SEMA5A: variants seen among roughly 807,000 people sequenced by gnomAD.
SEMA5A encodes semaphorin-5A.
A neutral mutation model predicts 135.5 loss-of-function variants in SEMA5A; 55 were observed. That is an observed-to-expected ratio of 0.41 (90% CI 0.33 to 0.51). SEMA5A has a LOEUF of 0.51. Among genes scored for constraint, SEMA5A ranks in the 20% least tolerant of loss-of-function variants. The pLI, the probability that SEMA5A is intolerant of heterozygous loss-of-function variation, is 0.37. For synonymous variants in SEMA5A, 580 were observed against 546.5 expected (o/e 1.06, Z -0.85); for missense variants, 1,290 against 1,419.9 (o/e 0.91, Z 1.47).
chr5:9,357,390 A>T (rs565230566), intron 3 of SEMA5A, among the ~76,000 whole-genome samples: 11 of 152,238 alleles, frequency 7.2e-5, no homozygotes, highest in Admixed American at 1.3e-4. Context: ...GCATATGGTC[A>T]GTATAATAAT....
intron 11 of SEMA5A, among the ~76,000 whole-genome samples, chr5:9,184,226 C>T (rs1328009976): frequency 6.6e-6 from 1 of 150,794 alleles, no homozygotes; most frequent in Non-Finnish European, 1.5e-5. Flanking sequence ...GCAGAGTATC[C>T]TGAGACCATG....
At chr5:9,378,710 C>A (rs1318538568) in intron 3 of SEMA5A, among the ~76,000 whole-genome samples, 1 of 152,184 alleles carries the variant, frequency 6.6e-6, no homozygotes, top group Non-Finnish European at 1.5e-5. Context: ...AATATACCAA[C>A]CAATGGCAGT....
intron 1 of SEMA5A, among the ~76,000 whole-genome samples, chr5:9,456,293 GT>G (rs1384830104): frequency 6.6e-6 from 1 of 152,224 alleles, no homozygotes; most frequent in East Asian, 1.9e-4. Context: ...TACCTGGGAG[GT>G]TTATCCTCTT....
At position 9,224,857 on chromosome 5, in the gene SEMA5A, T is replaced by A; in HGVS notation, c.463A>T (p.Ile155Phe). ...TAGGGACAGCGGGCCATGCCACTGA[T>A]CTGATCATGGATCTCAGTCAGGTTG... is the stretch of plus-strand genomic sequence containing the variant. ...LSNLTEIHDQ[I>F]SGMARCPYSP... The change falls in exon 8 of 23, where the codon ATC (isoleucine) becomes TTC (phenylalanine). Residue 155 changes from isoleucine to phenylalanine, a missense_variant. Around this residue, in one of 3 missense-constraint regions of SEMA5A, gnomAD observed 145 missense variants for 212.0 expected, o/e 0.68. Coordinates refer to ENST00000382496, the MANE Select transcript of SEMA5A (RefSeq NM_003966.3). The A allele has an allele frequency of 6.2e-7, 1 of 1,613,732 alleles. No homozygotes were observed. The highest frequency in any genetic ancestry group is 8.5e-7 in the Non-Finnish European group (1 of 1,179,938).
chr5:9,205,192 A>G (rs1386718345), intron 8 of SEMA5A, among the ~76,000 whole-genome samples: 3 of 152,168 alleles, frequency 2.0e-5, no homozygotes, highest in African/African-American at 7.2e-5. Flanking sequence ...CTGGACAGTC[A>G]TCTTTCCATG....
At chr5:9,213,505 T>C (rs532090361) in intron 8 of SEMA5A, among the ~76,000 whole-genome samples, 24 of 152,280 alleles carry the variant, frequency 1.6e-4, no homozygotes, top group Middle Eastern at 3.4e-3. Context: ...GAAGATGGCA[T>C]TTGAGCAAAG....
intron 3 of SEMA5A, among the ~76,000 whole-genome samples, chr5:9,359,786 C>CA (rs1326084377): frequency 1.3e-5 from 2 of 151,882 alleles, no homozygotes; most frequent in Non-Finnish European, 2.9e-5. Flanking sequence ...AACAAAGAAA[C>CA]AAAAAACTAT....
intron 2 of SEMA5A, among the ~76,000 whole-genome samples, chr5:9,430,203 C>CTATA (rs1757808841): frequency 6.6e-6 from 1 of 152,162 alleles, no homozygotes; most frequent in Non-Finnish European, 1.5e-5. Context: ...AAGTGGAAGA[C>CTATA]TGGACTTCCC....
chr5:9,455,325 T>A (rs930031105), intron 1 of SEMA5A, among the ~76,000 whole-genome samples: 9 of 151,934 alleles, frequency 5.9e-5, no homozygotes, highest in Non-Finnish European at 7.4e-5. Context: ...GCCTGATCTC[T>A]GCTCACTGTA....
intron 16 of SEMA5A, among the ~76,000 whole-genome samples, chr5:9,076,603 T>C (rs1738073191): frequency 6.6e-6 from 1 of 152,300 alleles, no homozygotes; most frequent in African/African-American, 2.4e-5. Context: ...ATATTTCATG[T>C]GTACACTACA....
chr5:9,295,421 G>C (rs1337796411), intron 5 of SEMA5A, among the ~76,000 whole-genome samples: 2 of 152,142 alleles, frequency 1.3e-5, no homozygotes, highest in East Asian at 1.9e-4. Flanking sequence ...AAAATTAAGT[G>C]AACAAAGAGA....
chr5:9,406,078 A>G (rs548538858), intron 2 of SEMA5A, among the ~76,000 whole-genome samples: 1 of 152,350 alleles, frequency 6.6e-6, no homozygotes, highest in South Asian at 2.1e-4. Flanking sequence ...AGAAGTAGAC[A>G]TGGAGGAAGA....
intron 16 of SEMA5A, among the ~76,000 whole-genome samples, chr5:9,094,247 T>C (rs1739199639): frequency 6.6e-6 from 1 of 152,188 alleles, no homozygotes; most frequent in African/African-American, 2.4e-5. Context: ...CAAAGTATAG[T>C]ACCACAGACA....
At chr5:9,171,837 G>T (rs765857918) in intron 11 of SEMA5A, among the ~76,000 whole-genome samples, 2 of 152,196 alleles carry the variant, frequency 1.3e-5, no homozygotes, top group Non-Finnish European at 2.9e-5. Flanking sequence ...CTGGAGATGG[G>T]ACGAGAGGGA....
At chr5:9,165,356 T>C (rs1413493697) in intron 11 of SEMA5A, among the ~76,000 whole-genome samples, 1 of 152,244 alleles carries the variant, frequency 6.6e-6, no homozygotes, top group East Asian at 1.9e-4. Context: ...AATAGATTAT[T>C]GCAAAGCATT....
At chr5:9,174,861 A>G (rs1263875023) in intron 11 of SEMA5A, among the ~76,000 whole-genome samples, 1 of 152,198 alleles carries the variant, frequency 6.6e-6, no homozygotes, top group Admixed American at 6.5e-5. Flanking sequence ...GTTAGACTAC[A>G]TCATAATAGG....
intron 5 of SEMA5A, among the ~76,000 whole-genome samples, chr5:9,258,727 G>C (rs1283136162): frequency 6.7e-6 from 1 of 150,030 alleles, no homozygotes; most frequent in South Asian, 2.1e-4. Flanking sequence ...TTAATCCAGT[G>C]TCTGCACATA....
intron 16 of SEMA5A, among the ~76,000 whole-genome samples, chr5:9,069,230 C>T (rs1209309839): frequency 1.3e-5 from 2 of 152,330 alleles, no homozygotes; most frequent in African/African-American, 2.4e-5. Flanking sequence ...TTCCTGAAAT[C>T]CAGATTCCCA....
At chr5:9,285,106 T>C (rs1750735665) in intron 5 of SEMA5A, among the ~76,000 whole-genome samples, 1 of 152,124 alleles carries the variant, frequency 6.6e-6, no homozygotes, top group African/African-American at 2.4e-5. Context: ...ACTTTTTGAG[T>C]CCCCTCCCTT....
Sources: allele counts gnomAD v4.1 joint callset (sites outside exome capture counted in the v4.1 genomes callset), GRCh38; gene constraint gnomAD v4.1.1; regional missense constraint gnomAD v4.1.1; transcripts MANE v1.5; gene names NCBI Gene and HGNC (gene_info 2026-07-23, HGNC 2026-07-21).